Variants in BPIFB1 observed in about 807,000 individuals in gnomAD.
BPIFB1 encodes the protein BPI fold containing family B member 1.
Under a neutral mutation model 55.1 loss-of-function variants are expected in BPIFB1, and 34 were observed. The observed-to-expected ratio is 0.62, with a 90% CI of 0.47 to 0.82. BPIFB1 has a LOEUF of 0.82. Among genes scored for constraint, BPIFB1 ranks in the 40% least tolerant of loss-of-function variants. The pLI is 0.00. For missense variants in BPIFB1, 532 were observed against 593.1 expected (o/e 0.90, Z 1.07); for synonymous variants, 236 against 245.3 (o/e 0.96, Z 0.35).
intron 1 of BPIFB1, 126 bp downstream of exon 1, chr20:33,283,380 G>C (rs1980157971): frequency 6.6e-6 from 1 of 152,586 alleles, no homozygotes; most frequent in South Asian, 2.1e-4. Context: ...GGTGAGTCAG[G>C]ATCCGCTGAG....
At position 33,304,889 on chromosome 20, in the gene BPIFB1, C is replaced by G. The variant is rs761029353; in HGVS notation, c.1252C>G (p.Gln418Glu). The change falls in exon 13 of 16, where the codon CAA becomes GAA. Residue 418 changes from glutamine (Q) to glutamate (E), a missense_variant and splice_region_variant. Gln to Glu is a conservative substitution (Grantham distance 29, BLOSUM62 2). Transcript: ENST00000253354. ...QLMNSGIGWF[Q>E]PDVLKNIITE... is the part of the protein sequence containing the mutation. Reference sequence around the variant, plus strand: ...GATGAACTCTGGGATTGGCTGGTTCCAAGTAAGTGTTAACAGGTGGTGCCT... The same window carrying G: ...GATGAACTCTGGGATTGGCTGGTTCGAAGTAAGTGTTAACAGGTGGTGCCT... 1.1e-5 allele frequency: 18 copies of G among 1,614,022 alleles called. No homozygotes were observed. In the East Asian group the frequency reaches 3.8e-4, roughly 34 times the overall value.
chr20:33,302,273 G>A (rs999362150), intron 9 of BPIFB1, 86 bp from the exon 10 acceptor site: 3 of 1,443,740 alleles, frequency 2.1e-6, no homozygotes, highest in African/African-American at 2.8e-5. Flanking sequence ...TGGGGTCCTG[G>A]GAAACCTTCC....
intron 6 of BPIFB1, among the ~76,000 whole-genome samples, chr20:33,293,108 G>C (rs1212330371): frequency 6.6e-6 from 1 of 152,170 alleles, no homozygotes; most frequent in Non-Finnish European, 1.5e-5. Context: ...TTTTAGTAGA[G>C]ACAAGGTTTT....
rs1981163797 is a variant in BPIFB1 at position 33,309,629 on chromosome 20, A to G, written c.1396-79A>G. ...GTCCCCCGGTGCCAGCAGTCACCTTATGGAGGACAAAACCAGCATAAACCA... is the reference window on the plus strand; with the variant it reads ...GTCCCCCGGTGCCAGCAGTCACCTTGTGGAGGACAAAACCAGCATAAACCA... On this transcript the variant is annotated intron_variant, in intron 15 of 15. Transcript: ENST00000253354. The surrounding 1 kb of genome is among the most constrained non-coding windows in gnomAD (Gnocchi z 4.4). 12 of 1,406,324 alleles carry G rather than the reference A, an allele frequency of 8.5e-6. No individual in the cohort carries two copies. The highest frequency in any genetic ancestry group is 1.2e-5 in the Non-Finnish European group (12 of 992,384). The allele number at this position is 1,406,324 out of a possible 1,614,324, so 87.1% of individuals were successfully genotyped here.
chr20:33,292,452 T>C (rs1009834063), intron 6 of BPIFB1, among the ~76,000 whole-genome samples: 1 of 152,222 alleles, frequency 6.6e-6, no homozygotes, highest in African/African-American at 2.4e-5. Context: ...AGTAGTAAAA[T>C]ACAGCAAACT....
At position 33,302,399 on chromosome 20, in the gene BPIFB1, T is replaced by G. The variant is rs1455439569; in HGVS notation, c.968T>G (p.Leu323Arg). 1.5e-5 allele frequency: 24 copies of G among 1,613,854 alleles called. No individual in the cohort carries two copies. The highest frequency in any genetic ancestry group is 1.9e-5 in the Non-Finnish European group (22 of 1,179,982). Reference protein sequence around the residue: ...SAHRLKSSIGLINEKAADKLG... With the variant: ...SAHRLKSSIGRINEKAADKLG... ...CATCGGCTGAAGTCAAGCATCGGGCTGATCAATGAAAAGGTTGGTCTGTTT... is the reference window on the plus strand; with the variant it reads ...CATCGGCTGAAGTCAAGCATCGGGCGGATCAATGAAAAGGTTGGTCTGTTT... Residue 323 changes from leucine to arginine, a missense_variant, in exon 10 of 16, where the codon CTG (leucine) becomes CGG (arginine). Transcript: ENST00000253354.
At chr20:33,301,473 A>T in intron 9 of BPIFB1, 61 bp downstream of exon 9, 1 of 1,519,476 alleles carries the variant, frequency 6.6e-7, no homozygotes, top group Non-Finnish European at 9.0e-7. Context: ...GAATTTCCTG[A>T]ACACAGGGTG....
intron 1 of BPIFB1, among the ~76,000 whole-genome samples, 153 bp from the exon 2 acceptor site, chr20:33,285,880 A>G (rs1980250125): frequency 1.3e-5 from 2 of 152,232 alleles, no homozygotes; most frequent in African/African-American, 4.8e-5. Context: ...TGAGGCACAA[A>G]GAGGTTACGT....
Position 33,299,774 on chromosome 20 carries a change from A to G in BPIFB1, c.662-125A>G. 4.1e-6 allele frequency: 3 copies of G among 724,134 alleles called. No individual in the cohort carries two copies. In the South Asian group the frequency reaches 4.7e-5, roughly 11 times the overall value. The allele number at this position is 724,134 out of a possible 1,614,324, so 44.9% of individuals were successfully genotyped here. ...TTGCATCATTATTATCAACATCATTATTACCTGCTCCTCCCTACCTGCCCC... is the reference window on the plus strand; with the variant it reads ...TTGCATCATTATTATCAACATCATTGTTACCTGCTCCTCCCTACCTGCCCC... On this transcript the variant is annotated intron_variant, in intron 7 of 15. Transcript: ENST00000253354.
chr20:33,304,885 G>T lies in BPIFB1; in HGVS notation c.1248G>T (p.Trp416Cys), dbSNP rs1980973558. 6.2e-7 allele frequency: 1 copy of T among 1,614,034 alleles called. No homozygotes were observed. Among genetic ancestry groups the T allele is most frequent in the South Asian group, 1.1e-5 (1 of 91,088 alleles). The change falls in exon 13 of 16, where the codon TGG becomes TGT. Residue 416 changes from tryptophan (W) to cysteine (C), a missense_variant. Transcript: ENST00000253354. ...RIQLMNSGIGWFQPDVLKNII... is the reference protein window; with the variant it reads ...RIQLMNSGIGCFQPDVLKNII... ...AGCTGATGAACTCTGGGATTGGCTG[G>T]TTCCAAGTAAGTGTTAACAGGTGGT...
intron 15 of BPIFB1, 32 bp downstream of exon 15, chr20:33,307,019 C>T (rs761775946): frequency 6.3e-7 from 1 of 1,594,180 alleles, no homozygotes. Flanking sequence ...CATCCTGCCC[C>T]AGGGAGGGCA....
At position 33,291,889 on chromosome 20, in the gene BPIFB1, T is replaced by C. The variant is rs1449153195; in HGVS notation, c.516-18T>C. 3.7e-6 allele frequency: 6 copies of C among 1,609,256 alleles called. No individual in the cohort carries two copies. The highest frequency in any genetic ancestry group is 5.1e-6 in the Non-Finnish European group (6 of 1,175,686). ...CTCTGACCCTTCCTAATGTCTCTCG[T>C]GCTCTCTTCCCTGAAAGGCTCTCCT... On this transcript the variant is annotated intron_variant, in intron 5 of 15. Transcript: ENST00000253354.
chr20:33,301,177 A>G, intron 8 of BPIFB1, 56 bp from the exon 9 acceptor site: 1 of 1,537,348 alleles, frequency 6.5e-7, no homozygotes, highest in South Asian at 1.2e-5. Context: ...CTAGGTTGCT[A>G]TTGGGTAAGC....
intron 7 of BPIFB1, 59 bp downstream of exon 7, chr20:33,297,647 C>T: frequency 6.3e-7 from 1 of 1,581,534 alleles, no homozygotes; most frequent in Non-Finnish European, 8.7e-7. Flanking sequence ...CCTCCAGACC[C>T]TGACTCCACC....
intron 15 of BPIFB1, chr20:33,307,244 C>A: frequency 2.1e-6 from 1 of 476,014 alleles, no homozygotes; most frequent in Non-Finnish European, 3.8e-6. Flanking sequence ...TTCAGTAATT[C>A]ACTAAATATT....
chr20:33,304,230 G>A (rs1600669614), intron 12 of BPIFB1, among the ~76,000 whole-genome samples: 1 of 152,170 alleles, frequency 6.6e-6, no homozygotes, highest in African/African-American at 2.4e-5. Context: ...CAGCAGCCAC[G>A]GCACAGGCAA....
chr20:33,305,897 C>G (rs1321138884), intron 13 of BPIFB1, 105 bp from the exon 14 acceptor site: 5 of 1,279,696 alleles, frequency 3.9e-6, no homozygotes, highest in Non-Finnish European at 5.7e-6. Context: ...TCCTACATCT[C>G]CACCAGCCAC....
At position 33,289,919 on chromosome 20, in the gene BPIFB1, C is replaced by G; in HGVS notation, c.292C>G (p.Gln98Glu). 6.2e-7 allele frequency: 1 copy of G among 1,614,216 alleles called. No homozygotes were observed. The highest frequency in any genetic ancestry group is 8.5e-7 in the Non-Finnish European group (1 of 1,180,038). Residue 98 changes from glutamine to glutamate, a missense_variant, in exon 4 of 16, where the codon CAG becomes GAG. By Grantham distance (29) the Gln-to-Glu change is conservative (BLOSUM62 2). Coordinates refer to ENST00000253354, the MANE Select transcript of BPIFB1 (RefSeq NM_033197.3). Reference protein sequence around the residue: ...KVITANILQLQVKPSANDQEL... With the variant: ...KVITANILQLEVKPSANDQEL... ...CATCACAGCTAACATCCTCCAGCTG[C>G]AGGTGAAGCCCTCGGCCAATGACCA...
At chr20:33,290,316 G>A (rs1008788295) in intron 4 of BPIFB1, among the ~76,000 whole-genome samples, 2 of 152,182 alleles carry the variant, frequency 1.3e-5, no homozygotes, top group South Asian at 4.1e-4. Flanking sequence ...GGGATATGCT[G>A]TGCTTTCACA....
Sources: allele counts gnomAD v4.1 joint callset (sites outside exome capture counted in the v4.1 genomes callset), GRCh38; gene constraint gnomAD v4.1.1; non-coding constraint Gnocchi (gnomAD v3.1); transcripts MANE v1.5; gene names NCBI Gene and HGNC (gene_info 2026-07-23, HGNC 2026-07-21).